MED13: variants seen among roughly 807,000 people sequenced by gnomAD.
MED13 encodes mediator of RNA polymerase II transcription subunit 13.
Under a neutral mutation model 225.2 loss-of-function variants are expected in MED13, and 23 were observed. That is an observed-to-expected ratio of 0.10 (90% CI 0.07 to 0.14). The LOEUF (loss-of-function observed/expected upper bound fraction) is 0.14, where lower values mean the gene tolerates loss of function less well. Ranked by LOEUF, MED13 falls within the 10% of genes least tolerant of loss-of-function variation. The pLI is 1.00. For missense variants in MED13, 2,197 were observed against 2,594.5 expected, an observed-to-expected ratio of 0.85 and a Z score of 3.33; for synonymous variants, 942 against 889.2, an observed-to-expected ratio of 1.06 and a Z score of -1.06.
At chr17:61,978,193 G>A (rs940568246) in intron 16 of MED13, among the ~76,000 whole-genome samples, 6 of 150,374 alleles carry the variant, frequency 4.0e-5, no homozygotes, top group African/African-American at 1.2e-4. Flanking sequence ...TCTTGTTGCC[G>A]GGCTGGAGCG....
chr17:62,055,279 A>C (rs1316543351), intron 2 of MED13, among the ~76,000 whole-genome samples: 5 of 151,900 alleles, frequency 3.3e-5, no homozygotes, highest in African/African-American at 1.2e-4. Context: ...AGTCCCAGCT[A>C]CTCAGGAGGC....
At position 61,972,848 on chromosome 17, in the gene MED13, G is replaced by A. The variant is rs780353279; in HGVS notation, c.3846C>T (p.Leu1282=). 1 of 1,613,610 alleles carries A rather than the reference G, an allele frequency of 6.2e-7. No homozygotes were observed. The highest frequency in any genetic ancestry group is 8.5e-7 in the Non-Finnish European group (1 of 1,179,876). The change falls in exon 17 of 30, where the codon CTC becomes CTT. Residue 1282 remains leucine, a synonymous_variant. Transcript: ENST00000397786. The part of the protein sequence containing the change: ...MQCSQDILRM[L]LSLQPVLQDA... ...CCTGAAGAACTGGCTGAAGAGAGAG[G>A]AGCATTCGAAGTATATCCTGTGAGC...
intron 2 of MED13, among the ~76,000 whole-genome samples, chr17:62,057,295 T>C (rs1039486716): frequency 2.0e-5 from 3 of 152,172 alleles, no homozygotes; most frequent in East Asian, 1.9e-4. Flanking sequence ...TCAACAAATA[T>C]ACCGAGAGCC....
intron 9 of MED13, among the ~76,000 whole-genome samples, chr17:61,996,495 A>T (rs562480423): frequency 4.6e-5 from 7 of 152,144 alleles, no homozygotes; most frequent in African/African-American, 1.7e-4. Context: ...TTCATCTTTT[A>T]CTATTCTAGT....
intron 1 of MED13, 84 bp downstream of exon 1, chr17:62,065,056 G>T: frequency 7.7e-7 from 1 of 1,293,962 alleles, no homozygotes; most frequent in Non-Finnish European, 1.0e-6. Flanking sequence ...CGGGCATCTG[G>T]ACCAGACCCG....
Position 61,955,582 on chromosome 17 carries a change from C to A in MED13, c.5783-15G>T. ...TGACACAGAATCTGAAAATGAAAGA[C>A]ATTTTTTCTTTTAATAAACGAAGAA... On this transcript the variant is annotated splice_polypyrimidine_tract_variant and intron_variant, in intron 25 of 29. Transcript: ENST00000397786. The A allele has an allele frequency of 6.5e-7, 1 of 1,543,760 alleles. No individual in the cohort carries two copies. The highest frequency in any genetic ancestry group is 8.7e-7 in the Non-Finnish European group (1 of 1,151,280).
intron 3 of MED13, among the ~76,000 whole-genome samples, chr17:62,045,039 AT>A (rs143909483): frequency 0.16 from 24,366 of 151,860 alleles, 2,388 homozygotes; most frequent in East Asian, 0.5. Context: ...TTAACAACAT[AT>A]TTTTTCCATA....
At chr17:61,989,635 G>T (rs945254647) in intron 11 of MED13, among the ~76,000 whole-genome samples, 10 of 152,190 alleles carry the variant, frequency 6.6e-5, no homozygotes, top group African/African-American at 2.4e-4. Flanking sequence ...ACTGCACCTG[G>T]CCTATTTATT....
At chr17:61,953,785 T>C (rs1331790365) in intron 26 of MED13, among the ~76,000 whole-genome samples, 4 of 152,190 alleles carry the variant, frequency 2.6e-5, no homozygotes, top group Admixed American at 6.5e-5. Flanking sequence ...AAAGCAAACA[T>C]AGTACAAACA....
chr17:61,954,723 G>A (rs1340864271), intron 26 of MED13, among the ~76,000 whole-genome samples: 3 of 152,160 alleles, frequency 2.0e-5, no homozygotes, highest in African/African-American at 7.2e-5. Context: ...GCTACAGTAG[G>A]CTGAGATCGT....
chr17:62,055,354 C>T (rs1249116268), intron 2 of MED13, among the ~76,000 whole-genome samples: 2 of 151,524 alleles, frequency 1.3e-5, no homozygotes, highest in Admixed American at 1.3e-4. Flanking sequence ...CACACCACTG[C>T]ACTCCACTGT....
intron 1 of MED13, among the ~76,000 whole-genome samples, chr17:62,064,671 T>A (rs1194066221): frequency 5.9e-5 from 9 of 151,988 alleles, no homozygotes; most frequent in Non-Finnish European, 1.5e-5. Context: ...ACAAAAAAAA[T>A]GTAAAACCAA....
chr17:61,989,664 T>G (rs1330280629), intron 11 of MED13, among the ~76,000 whole-genome samples: 1 of 152,208 alleles, frequency 6.6e-6, no homozygotes. Flanking sequence ...ACAGATAGGG[T>G]CTCACTACGT....
In MED13 at chr17:61,982,376, A is replaced by T; in HGVS notation, c.3627T>A (p.Asp1209Glu). ...LFSPFGAADQ[D>E]PFPKSGVISN... ...TAATTACACCACTTTTAGGAAAAGG[A>T]TCTTGGTCTGCTGCTCCAAAGGGTG... The change falls in exon 16 of 30, where the codon GAT (aspartate) becomes GAA (glutamate). Residue 1209 changes from aspartate to glutamate, a missense_variant. This residue lies in a region of MED13 where 203 missense variants were observed against 209.7 expected (regional missense o/e 0.97). Coordinates refer to ENST00000397786, the MANE Select transcript of MED13 (RefSeq NM_005121.3). 1 of 1,614,226 alleles carries T rather than the reference A, an allele frequency of 6.2e-7. No homozygotes were observed.
chr17:61,985,200 T>G (rs1193635072), intron 12 of MED13, 110 bp from the exon 13 acceptor site: 2 of 875,382 alleles, frequency 2.3e-6, no homozygotes, highest in Non-Finnish European at 3.5e-6. Flanking sequence ...AAAAGTAGTA[T>G]TTTGAATCTG....
At chr17:62,035,202 T>C (rs1206239391) in intron 4 of MED13, among the ~76,000 whole-genome samples, 1 of 152,058 alleles carries the variant, frequency 6.6e-6, no homozygotes. Context: ...CATTAACACA[T>C]ATAAATCCAT....
In MED13 at chr17:61,955,740, T is replaced by C. The variant is rs1465224250; in HGVS notation, c.5722A>G (p.Ser1908Gly). The stretch of plus-strand genomic sequence containing the variant: ...GCCACCAAGCAAGCACTGAGAATGC[T>C]AGGGGAGTCTGCAGCAGATATACCA... Reference protein sequence around the residue: ...MCGISAADSPSILSACLVAME... With the variant: ...MCGISAADSPGILSACLVAME... Residue 1908 changes from serine (S) to glycine (G), a missense_variant, in exon 25 of 30, where the codon AGC (serine) becomes GGC (glycine). Physicochemically the swap from Ser to Gly is moderately conservative, Grantham distance 56 (BLOSUM62 0). Coordinates refer to ENST00000397786, the MANE Select transcript of MED13 (RefSeq NM_005121.3). 1.9e-6 allele frequency: 3 copies of C among 1,610,750 alleles called. No individual in the cohort carries two copies. Among genetic ancestry groups the C allele is most frequent in the African/African-American group, 2.7e-5 (2 of 74,512 alleles).
rs551796606 is a variant in MED13 at position 61,995,070 on chromosome 17, A to G, written c.2181+82T>C. 4.0e-5 allele frequency: 38 copies of G among 944,208 alleles called. No homozygotes were observed. The East Asian group carries it at 8.6e-4, about 21-fold the overall frequency. 58.5% of individuals were successfully genotyped at this position (944,208 alleles called of 1,614,324 possible). ...TCTATTCTAAGACAAAAGAAGTGAGATAACTGTGGTAGTAAGAGTGTTACT... is the reference window on the plus strand; with the variant it reads ...TCTATTCTAAGACAAAAGAAGTGAGGTAACTGTGGTAGTAAGAGTGTTACT... On this transcript the variant is annotated intron_variant, in intron 10 of 29. Coordinates refer to ENST00000397786, the MANE Select transcript of MED13 (RefSeq NM_005121.3).
At chr17:61,974,947 T>G (rs2080140960) in intron 16 of MED13, among the ~76,000 whole-genome samples, 1 of 152,140 alleles carries the variant, frequency 6.6e-6, no homozygotes, top group Non-Finnish European at 1.5e-5. Context: ...ATGTTTGTGC[T>G]TCAAAGAATA....
Sources: allele counts gnomAD v4.1 joint callset (sites outside exome capture counted in the v4.1 genomes callset), GRCh38; gene constraint gnomAD v4.1.1; regional missense constraint gnomAD v4.1.1; transcripts MANE v1.5; gene names NCBI Gene and HGNC (gene_info 2026-07-23, HGNC 2026-07-21).